Variants in TAFA1 observed in about 807,000 individuals in gnomAD.
TAFA1 encodes chemokine-like protein TAFA-1.
TAFA1 carries 4 observed loss-of-function variants against 18.5 expected under a neutral mutation model. The ratio of observed to expected loss-of-function variants is 0.22; its 90% CI spans 0.11 to 0.49. The LOEUF is 0.49. Ranked by LOEUF, TAFA1 falls within the 20% of genes least tolerant of loss-of-function variation. The pLI is 0.98. For synonymous variants in TAFA1, 56 were observed against 55.2 expected (o/e 1.01, Z -0.06); for missense variants, 147 against 169.0 (o/e 0.87, Z 0.72).
intron 2 of TAFA1, among the ~76,000 whole-genome samples, chr3:68,379,041 G>A (rs1298801873): frequency 6.6e-6 from 1 of 152,070 alleles, no homozygotes; most frequent in Non-Finnish European, 1.5e-5. Context: ...AGAGATTGTT[G>A]GGTCAAATGT....
At chr3:68,165,107 G>T (rs1362092888) in intron 2 of TAFA1, among the ~76,000 whole-genome samples, 2 of 152,196 alleles carry the variant, frequency 1.3e-5, no homozygotes, top group Non-Finnish European at 2.9e-5. Context: ...GAAAATAAAT[G>T]ATAGCTCAGA....
At chr3:68,384,617 G>A (rs930319936) in intron 2 of TAFA1, among the ~76,000 whole-genome samples, 4 of 152,072 alleles carry the variant, frequency 2.6e-5, no homozygotes, top group African/African-American at 7.2e-5. Flanking sequence ...AGTACCATGT[G>A]ACAATGAGAA....
At chr3:68,091,809 C>G (rs1028866076) in intron 2 of TAFA1, among the ~76,000 whole-genome samples, 1 of 152,048 alleles carries the variant, frequency 6.6e-6, no homozygotes, top group African/African-American at 2.4e-5. Flanking sequence ...ATGCTGGGAT[C>G]GAGACAAGAA....
At chr3:68,497,165 C>T (rs1360042827) in intron 3 of TAFA1, among the ~76,000 whole-genome samples, 2 of 152,160 alleles carry the variant, frequency 1.3e-5, no homozygotes, top group African/African-American at 4.8e-5. Flanking sequence ...CAGTACTCTA[C>T]CAGCTAATCA....
At chr3:68,382,186 T>G (rs1445725366) in intron 2 of TAFA1, among the ~76,000 whole-genome samples, 1 of 152,208 alleles carries the variant, frequency 6.6e-6, no homozygotes, top group Non-Finnish European at 1.5e-5. Context: ...TTTGCCAGTA[T>G]TTTATTGAGG....
intron 2 of TAFA1, among the ~76,000 whole-genome samples, chr3:68,373,915 G>T (rs1246126776): frequency 6.6e-6 from 1 of 152,158 alleles, no homozygotes; most frequent in East Asian, 1.9e-4. Context: ...AACAGCTAGA[G>T]CTCCTTTCTG....
intron 2 of TAFA1, among the ~76,000 whole-genome samples, chr3:68,193,015 C>T (rs2066366307): frequency 6.6e-6 from 1 of 151,692 alleles, no homozygotes; most frequent in Non-Finnish European, 1.5e-5. Context: ...TGGGCATGGA[C>T]AGATATGGTA....
At chr3:68,198,445 C>T (rs2066436777) in intron 2 of TAFA1, among the ~76,000 whole-genome samples, 1 of 151,558 alleles carries the variant, frequency 6.6e-6, no homozygotes, top group Non-Finnish European at 1.5e-5. Flanking sequence ...CAAAAACCAC[C>T]AAACAGTCTT....
intron 3 of TAFA1, among the ~76,000 whole-genome samples, chr3:68,462,819 A>G (rs1429387187): frequency 6.6e-6 from 1 of 152,140 alleles, no homozygotes; most frequent in Non-Finnish European, 1.5e-5. Context: ...CAGAGACTCC[A>G]TTGCCTGACA....
intron 2 of TAFA1, among the ~76,000 whole-genome samples, chr3:68,292,850 A>C (rs560795015): frequency 6.6e-6 from 1 of 152,214 alleles, no homozygotes; most frequent in Non-Finnish European, 1.5e-5. Flanking sequence ...GCCTCTTTTC[A>C]TTTTGATCCT....
chr3:68,134,796 T>C (rs2065587213), intron 2 of TAFA1, among the ~76,000 whole-genome samples: 1 of 152,188 alleles, frequency 6.6e-6, no homozygotes, highest in Admixed American at 6.5e-5. Flanking sequence ...GTTACTGTCA[T>C]TGGGAAGGTA....
chr3:68,307,657 G>A (rs766269175), intron 2 of TAFA1, among the ~76,000 whole-genome samples: 16 of 151,872 alleles, frequency 1.1e-4, no homozygotes, highest in Admixed American at 6.6e-4. Context: ...TGTTACTTTC[G>A]TTTAGCTGCA....
At chr3:68,481,716 C>A (rs1383561857) in intron 3 of TAFA1, among the ~76,000 whole-genome samples, 3 of 152,128 alleles carry the variant, frequency 2.0e-5, no homozygotes, top group Non-Finnish European at 4.4e-5. Flanking sequence ...AGGCATATAT[C>A]AATATGTCGT....
At chr3:68,475,008 C>A (rs1468710922) in intron 3 of TAFA1, among the ~76,000 whole-genome samples, 1 of 151,936 alleles carries the variant, frequency 6.6e-6, no homozygotes, top group African/African-American at 2.4e-5. Flanking sequence ...GATCGTACTT[C>A]TTTATCAAAG....
At chr3:68,227,493 C>T (rs1190634336) in intron 2 of TAFA1, among the ~76,000 whole-genome samples, 1 of 152,188 alleles carries the variant, frequency 6.6e-6, no homozygotes. Flanking sequence ...ATCCTATGTC[C>T]ATCCTCTAGG....
chr3:68,292,270 C>A (rs11713165), intron 2 of TAFA1, among the ~76,000 whole-genome samples: 4 of 152,050 alleles, frequency 2.6e-5, no homozygotes, highest in African/African-American at 9.7e-5. Context: ...CCCAGACCAT[C>A]TTCTTTATGG....
intron 2 of TAFA1, among the ~76,000 whole-genome samples, chr3:68,050,720 C>T (rs1481880897): frequency 6.6e-6 from 1 of 152,134 alleles, no homozygotes; most frequent in Non-Finnish European, 1.5e-5. Context: ...AAGGGTCAGC[C>T]ATTGACTAAC....
the TAFA1 span, among the ~76,000 whole-genome samples, chr3:67,996,534 C>T: frequency 1.3e-5 from 2 of 152,172 alleles, no homozygotes; most frequent in African/African-American, 4.8e-5. Flanking sequence ...TGTGGTGAGT[C>T]ATGCCTGCAA....
At position 68,172,149 on chromosome 3, in the gene TAFA1, C is replaced by A. The variant is rs539007857; in HGVS notation, c.118+165405C>A. ...AAGATAAACTCAATAAAACTCACAC[C>A]TATATAAGTCATCGCCAAACTGTTG... On this transcript the variant is annotated intron_variant, in intron 2 of 4. Coordinates refer to ENST00000478136, the MANE Select transcript of TAFA1 (RefSeq NM_213609.4). Among the ~76,000 whole-genome samples the A allele has an allele frequency of 2.6e-5, 4 of 152,216 alleles. No homozygotes were observed. In the South Asian group the frequency reaches 8.3e-4, roughly 32 times the overall value.
Sources: gnomAD v4.1 joint callset for allele counts (sites outside exome capture counted in the v4.1 genomes callset) on GRCh38, gnomAD v4.1.1 for gene constraint, MANE v1.5 for transcripts, NCBI Gene and HGNC (gene_info 2026-07-23, HGNC 2026-07-21) for gene names.